SLC9A6: variants seen among roughly 807,000 people sequenced by gnomAD.
SLC9A6 encodes the protein sodium/hydrogen exchanger 6.
In SLC9A6, 6 loss-of-function variants were observed where a neutral mutation model predicts 45.3. The observed-to-expected ratio is 0.13, with a 90% CI of 0.07 to 0.26. The LOEUF (loss-of-function observed/expected upper bound fraction) is 0.26, where lower values mean the gene tolerates loss of function less well. Ranked by LOEUF, SLC9A6 falls within the 10% of genes least tolerant of loss-of-function variation. The pLI is 1.00. For missense variants in SLC9A6, 278 were observed against 503.7 expected, an observed-to-expected ratio of 0.55 and a Z score of 4.29; for synonymous variants, 191 against 187.7, an observed-to-expected ratio of 1.02 and a Z score of -0.14.
intron 13 of SLC9A6, among the ~76,000 whole-genome samples, chrX:136,028,377 A>T (rs1203023660): frequency 1.8e-5 from 2 of 111,684 alleles, no homozygotes; most frequent in African/African-American, 6.5e-5. Flanking sequence ...GCCCTTAGGG[A>T]TTATGCCCTA....
At chrX:136,029,318 A>G (rs1556620839) in intron 14 of SLC9A6, 1 of 117,129 alleles carries the variant, frequency 8.5e-6, no homozygotes, top group Non-Finnish European at 1.8e-5. Context: ...CCCACAAAAG[A>G]CTTCAGACTT....
intron 13 of SLC9A6, among the ~76,000 whole-genome samples, chrX:136,026,640 A>G (rs2071231937): frequency 9.1e-6 from 1 of 110,215 alleles, no homozygotes; most frequent in African/African-American, 3.3e-5. Flanking sequence ...GGTTCAAGCA[A>G]TTCTCCTGCC....
At chrX:136,022,771 T>G in intron 12 of SLC9A6, 74 bp downstream of exon 12, 2 of 542,883 alleles carry the variant, frequency 3.7e-6, no homozygotes, top group Non-Finnish European at 6.5e-6. Flanking sequence ...GATGTAACAC[T>G]GAGATGTTAT....
chrX:135,977,762 T>TA (rs1421254802), intron 1 of SLC9A6, among the ~76,000 whole-genome samples: 1 of 110,825 alleles, frequency 9.0e-6, no homozygotes, highest in Non-Finnish European at 1.9e-5. Flanking sequence ...ATTCAAACAA[T>TA]AAAAAAAAGT....
rs782757863 is a variant in SLC9A6 at position 136,045,748 on chromosome X, A to G, written c.*1024A>G. 1.8e-5 allele frequency: 2 copies of G among 112,282 alleles called. No individual in the cohort carries two copies. Among genetic ancestry groups the G allele is most frequent in the African/African-American group, 6.5e-5 (2 of 30,871 alleles). 9.3% of individuals were successfully genotyped at this position (112,282 alleles called of 1,213,427 possible). A position where few individuals can be genotyped will look rare whatever the true frequency, so the allele number is the denominator to read the frequency against. ...TTTGAACTTACTGTGTCTAATCATC[A>G]TTTGTTAGTCTGTAGTTAATGTCAA... is the stretch of plus-strand genomic sequence containing the variant. On this transcript the variant is annotated 3_prime_UTR_variant, in exon 18 of 18. Coordinates refer to ENST00000630721, the MANE Select transcript of SLC9A6 (RefSeq NM_001379110.1).
chrX:136,014,621 C>T (rs954535763), intron 10 of SLC9A6, among the ~76,000 whole-genome samples: 22 of 112,638 alleles, frequency 2.0e-4, no homozygotes, highest in Non-Finnish European at 3.9e-4. Context: ...AAAAATTAGC[C>T]GGATGTAGTG....
At chrX:136,024,580 GTTTTA>G in intron 13 of SLC9A6, 97 bp downstream of exon 13, 1 of 871,681 alleles carries the variant, frequency 1.1e-6, no homozygotes, top group Non-Finnish European at 1.7e-6. Flanking sequence ...AATCTGTAAT[GTTTTA>G]TTTTTTCCTT....
intron 1 of SLC9A6, among the ~76,000 whole-genome samples, chrX:135,976,365 C>T (rs1603179906): frequency 9.0e-6 from 1 of 111,604 alleles, no homozygotes; most frequent in African/African-American, 3.3e-5. Context: ...TGAAATTAGC[C>T]TTTTCAGATC....
At chrX:135,988,473 T>TTTC (rs2089375482) in intron 2 of SLC9A6, among the ~76,000 whole-genome samples, 15 of 106,918 alleles carry the variant, frequency 1.4e-4, no homozygotes, top group African/African-American at 4.8e-4. Context: ...TCTTTCTTTC[T>TTTC]TTTCTTTCTT....
chrX:135,978,366 T>C (rs2089271909), intron 1 of SLC9A6, among the ~76,000 whole-genome samples: 1 of 112,048 alleles, frequency 8.9e-6, no homozygotes, highest in African/African-American at 3.2e-5. Flanking sequence ...CAAATAGCCT[T>C]CCTAGCTGGG....
At chrX:136,002,455 G>A (rs1556617482) in intron 7 of SLC9A6, among the ~76,000 whole-genome samples, 1 of 111,599 alleles carries the variant, frequency 9.0e-6, no homozygotes. Context: ...CCTTTTCTAT[G>A]TATGATATTG....
intron 7 of SLC9A6, among the ~76,000 whole-genome samples, chrX:136,005,678 CA>C (rs368832440): frequency 3.0e-4 from 25 of 83,258 alleles, no homozygotes; most frequent in African/African-American, 5.0e-4. Flanking sequence ...GAGACTGTCT[CA>C]AAAAAAAAAA....
Position 136,046,514 on chromosome X carries a change from C to G in SLC9A6, c.*1790C>G, listed in dbSNP as rs1556623597. ...AGTGTCACTTACCCACAAAGTTATT[C>G]AAGTTGTAAAAGGTTATACAATAAT... On this transcript the variant is annotated 3_prime_UTR_variant, in exon 18 of 18. Coordinates refer to ENST00000630721, the MANE Select transcript of SLC9A6 (RefSeq NM_001379110.1). 1 of 112,830 alleles carries G rather than the reference C, an allele frequency of 8.9e-6. No homozygotes were observed. 9.3% of individuals were successfully genotyped at this position (112,830 alleles called of 1,213,427 possible).
intron 1 of SLC9A6, among the ~76,000 whole-genome samples, chrX:135,978,222 C>A (rs1318720083): frequency 8.9e-6 from 1 of 112,141 alleles, no homozygotes; most frequent in Non-Finnish European, 1.9e-5. Flanking sequence ...TCAATTGCTT[C>A]TCTCTTTTGA....
Position 136,045,076 on chromosome X carries a change from G to T in SLC9A6, c.*352G>T. 1 of 176,164 alleles carries T rather than the reference G, an allele frequency of 5.7e-6. No individual in the cohort carries two copies. The highest frequency in any genetic ancestry group is 1.1e-5 in the Non-Finnish European group (1 of 93,418). The allele number at this position is 176,164 out of a possible 1,213,427, so 14.5% of individuals were successfully genotyped here. Reference sequence around the variant, plus strand: ...ACCAGAGTACCAGTTCTCGTGATGTGAATTAATTTTTTTGTGTGCTAGGGG... The same window carrying T: ...ACCAGAGTACCAGTTCTCGTGATGTTAATTAATTTTTTTGTGTGCTAGGGG... On this transcript the variant is annotated 3_prime_UTR_variant, in exon 18 of 18. Coordinates refer to ENST00000630721, the MANE Select transcript of SLC9A6 (RefSeq NM_001379110.1).
At chrX:136,006,618 T>G (rs1378250124) in intron 7 of SLC9A6, among the ~76,000 whole-genome samples, 1 of 110,602 alleles carries the variant, frequency 9.0e-6, no homozygotes, top group Non-Finnish European at 1.9e-5. Flanking sequence ...TATTGATATA[T>G]TATGTTAGAT....
rs189850313 is a variant in SLC9A6, at chrX:136,016,779, T to C, written c.1194+21T>C. 48 of 897,825 alleles carry C rather than the reference T, an allele frequency of 5.3e-5. No homozygotes were observed. The East Asian group carries it at 1.4e-3, about 26-fold the overall frequency. The allele number at this position is 897,825 out of a possible 1,213,427, so 74.0% of individuals were successfully genotyped here. On this transcript the variant is annotated intron_variant, in intron 11 of 17. Coordinates refer to ENST00000630721, the MANE Select transcript of SLC9A6 (RefSeq NM_001379110.1). The stretch of plus-strand genomic sequence containing the variant: ...CATTTGTATCCTTTATTATGTGTTT[T>C]ATTTTGAAAATATTTTTAATTGAGA...
chrX:136,040,284 T>C lies in SLC9A6; in HGVS notation c.1767+103T>C, dbSNP rs782451166. On this transcript the variant is annotated intron_variant, in intron 17 of 17. Transcript: ENST00000630721. The stretch of plus-strand genomic sequence containing the variant: ...TTTATTTTGGTTTGTTTTTTTGCCT[T>C]TGAGGTATAAATTCCATGAAAGGGA... 6.0e-5 allele frequency: 37 copies of C among 614,497 alleles called. No individual in the cohort carries two copies. In the South Asian group the frequency reaches 9.5e-4, roughly 16 times the overall value. The allele number at this position is 614,497 out of a possible 1,213,427, so 50.6% of individuals were successfully genotyped here. A position where few individuals can be genotyped will look rare whatever the true frequency, so the allele number is the denominator to read the frequency against.
intron 7 of SLC9A6, among the ~76,000 whole-genome samples, chrX:136,006,843 A>G (rs1247562545): frequency 2.7e-5 from 3 of 111,091 alleles, no homozygotes; most frequent in East Asian, 2.8e-4. Context: ...ATCAGTAGCC[A>G]TTTCTACCTA....
Sources: gnomAD v4.1 joint callset for allele counts (sites outside exome capture counted in the v4.1 genomes callset) on GRCh38, gnomAD v4.1.1 for gene constraint, MANE v1.5 for transcripts, NCBI Gene and HGNC (gene_info 2026-07-23, HGNC 2026-07-21) for gene names.